CSMD3: variants seen among roughly 807,000 people sequenced by gnomAD.
CSMD3 encodes CUB and sushi domain-containing protein 3.
In CSMD3, 177 loss-of-function variants were observed where a neutral mutation model predicts 435.2. The ratio of observed to expected loss-of-function variants is 0.41; its 90% CI spans 0.36 to 0.46. CSMD3 has a LOEUF of 0.46. Ranked by LOEUF, CSMD3 falls within the 20% of genes least tolerant of loss-of-function variation. The pLI is 0.34. For synonymous variants in CSMD3, 1,656 were observed against 1,520.5 expected, an observed-to-expected ratio of 1.09 and a Z score of -2.07; for missense variants, 4,265 against 4,504.6, an observed-to-expected ratio of 0.95 and a Z score of 1.52.
chr8:112,750,877 T>C (rs1291599738), intron 13 of CSMD3, among the ~76,000 whole-genome samples: 1 of 152,092 alleles, frequency 6.6e-6, no homozygotes, highest in Non-Finnish European at 1.5e-5. Flanking sequence ...TGTGGCCTTT[T>C]TTTCAACCAA....
intron 1 of CSMD3, among the ~76,000 whole-genome samples, chr8:113,359,825 C>T (rs372635327): frequency 7.9e-5 from 12 of 152,040 alleles, no homozygotes; most frequent in African/African-American, 2.7e-4. Context: ...TTAAAGAAAA[C>T]AGTGGAGATG....
intron 40 of CSMD3, among the ~76,000 whole-genome samples, chr8:112,350,646 G>C (rs181206128): frequency 2.5e-4 from 38 of 152,050 alleles, no homozygotes; most frequent in African/African-American, 8.2e-4. Flanking sequence ...AAAAAAGCAT[G>C]AATAGAAGTA....
intron 40 of CSMD3, among the ~76,000 whole-genome samples, chr8:112,346,703 A>ATTT (rs1825710215): frequency 1.7e-5 from 2 of 119,074 alleles, no homozygotes; most frequent in Non-Finnish European, 1.7e-5. Flanking sequence ...TTTTTGGAGA[A>ATTT]GGAGTCTCTC....
chr8:113,025,426 C>A (rs930224507), intron 5 of CSMD3, among the ~76,000 whole-genome samples: 1 of 152,102 alleles, frequency 6.6e-6, no homozygotes, highest in Non-Finnish European at 1.5e-5. Flanking sequence ...CAAAAACTTA[C>A]GGTAATAATG....
intron 3 of CSMD3, 29 bp downstream of exon 3, chr8:113,278,563 G>A (rs1384140866): frequency 2.9e-6 from 3 of 1,039,306 alleles, no homozygotes; most frequent in Admixed American, 3.4e-5. Context: ...ATTAAGGGCA[G>A]TGGTTTGTTT....
In CSMD3 at chr8:112,821,997, C is replaced by A. The variant is rs151260986; in HGVS notation, c.1859+7689G>T. Among the ~76,000 whole-genome samples, 102 of 152,186 alleles carry A rather than the reference C, an allele frequency of 6.7e-4. 1 individual carries two copies. The highest frequency in any genetic ancestry group is 2.3e-3 in the African/African-American group (97 of 41,526). On this transcript the variant is annotated intron_variant, in intron 12 of 70. Coordinates refer to ENST00000297405, the MANE Select transcript of CSMD3 (RefSeq NM_198123.2). Reference sequence around the variant, plus strand: ...TTATTTCTGAGCTCTCTGTTATGTTCCACTGATCTATATGACTGTTTTCGT... The same window carrying A: ...TTATTTCTGAGCTCTCTGTTATGTTACACTGATCTATATGACTGTTTTCGT...
intron 31 of CSMD3, among the ~76,000 whole-genome samples, chr8:112,490,657 AT>A (rs941443890): frequency 2.6e-5 from 4 of 152,002 alleles, no homozygotes; most frequent in Non-Finnish European, 5.9e-5. Context: ...ACTTTTAGTT[AT>A]TTTGAATCTG....
chr8:113,021,370 G>A lies in CSMD3; in HGVS notation c.918-2191C>T, dbSNP rs185886267. Among the ~76,000 whole-genome samples the A allele has an allele frequency of 2.6e-5, 4 of 152,260 alleles. No individual in the cohort carries two copies. The East Asian group carries it at 7.7e-4, about 29-fold the overall frequency. On this transcript the variant is annotated intron_variant, in intron 5 of 70. Transcript: ENST00000297405. ...ATTTGTTTCAATTATATTTTCAATT[G>A]AGTAGCATAGTTCATGCCAGATTTT...
chr8:113,083,308 T>C (rs922476192), intron 5 of CSMD3, among the ~76,000 whole-genome samples: 1 of 152,042 alleles, frequency 6.6e-6, no homozygotes, highest in Non-Finnish European at 1.5e-5. Flanking sequence ...AGCAGGAACC[T>C]TATAAGCCGG....
At chr8:112,597,583 A>T (rs928532674) in intron 22 of CSMD3, among the ~76,000 whole-genome samples, 28 of 117,780 alleles carry the variant, frequency 2.4e-4, no homozygotes, top group Admixed American at 4.2e-4. Context: ...ATTTTAGACC[A>T]ATATCCTTGA....
At chr8:113,364,824 A>T (rs2094300946) in intron 1 of CSMD3, among the ~76,000 whole-genome samples, 1 of 152,144 alleles carries the variant, frequency 6.6e-6, no homozygotes, top group Admixed American at 6.5e-5. Flanking sequence ...ATACCAAAAC[A>T]TGTTACATCA....
chr8:112,611,714 C>A (rs118005981), intron 22 of CSMD3, among the ~76,000 whole-genome samples: 2,894 of 152,144 alleles, frequency 0.019, 34 homozygotes, highest in Non-Finnish European at 0.027. Context: ...ATTTTATATT[C>A]CCATTACAGA....
intron 3 of CSMD3, among the ~76,000 whole-genome samples, chr8:113,248,651 T>C (rs1325009674): frequency 6.6e-6 from 1 of 150,912 alleles, no homozygotes; most frequent in Non-Finnish European, 1.5e-5. Flanking sequence ...ACTGAGCAGT[T>C]CTGGGTCAGA....
intron 10 of CSMD3, among the ~76,000 whole-genome samples, chr8:112,894,159 C>A (rs2081883111): frequency 1.3e-5 from 2 of 151,410 alleles, no homozygotes; most frequent in South Asian, 4.1e-4. Flanking sequence ...ACTTCAAGTT[C>A]CAAGAGATCA....
At chr8:112,831,197 G>C (rs890015130) in intron 11 of CSMD3, among the ~76,000 whole-genome samples, 1 of 152,004 alleles carries the variant, frequency 6.6e-6, no homozygotes, top group Non-Finnish European at 1.5e-5. Context: ...TAAAGACTTT[G>C]AACTATACAT....
At chr8:113,294,083 A>G (rs1387074414) in intron 2 of CSMD3, among the ~76,000 whole-genome samples, 19 of 152,062 alleles carry the variant, frequency 1.2e-4, no homozygotes, top group Admixed American at 1.2e-3. Context: ...GCCATTAGAT[A>G]TGTCTTCTTG....
chr8:113,394,859 G>C (rs773112530), intron 1 of CSMD3, among the ~76,000 whole-genome samples: 2 of 152,126 alleles, frequency 1.3e-5, no homozygotes, highest in Non-Finnish European at 2.9e-5. Context: ...TACTAGGAAG[G>C]ATTTTGGGGA....
chr8:112,406,626 C>A lies in CSMD3; in HGVS notation c.5707G>T (p.Asp1903Tyr), dbSNP rs377007830. 10 of 1,612,714 alleles carry A rather than the reference C, an allele frequency of 6.2e-6. No homozygotes were observed. Among genetic ancestry groups the A allele is most frequent in the South Asian group, 3.3e-5 (3 of 91,058 alleles). Residue 1903 changes from aspartate (D) to tyrosine (Y), a missense_variant, in exon 35 of 71, where the codon GAT (aspartate) becomes TAT (tyrosine). By Grantham distance (160) the Asp-to-Tyr change is radical (BLOSUM62 -3). This residue lies in a region of CSMD3 where 3,255 missense variants were observed against 3,380.2 expected (regional missense o/e 0.96). Transcript: ENST00000297405. ...TGGAGAATATATCCTGGATTACAAT[C>A]AAAAAGAACCGATGAACCGACTGCA... ...EFAVGSSVLF[D>Y]CNPGYILHGS...
chr8:113,053,592 A>G (rs2088189256), intron 5 of CSMD3, among the ~76,000 whole-genome samples: 1 of 152,038 alleles, frequency 6.6e-6, no homozygotes, highest in Non-Finnish European at 1.5e-5. Context: ...ATACTTATGA[A>G]CTTACTTATA....
Sources: allele counts gnomAD v4.1 joint callset (sites outside exome capture counted in the v4.1 genomes callset), GRCh38; gene constraint gnomAD v4.1.1; regional missense constraint gnomAD v4.1.1; transcripts MANE v1.5; gene names NCBI Gene and HGNC (gene_info 2026-07-23, HGNC 2026-07-21).